The following NEK7 variants were observed in gnomAD, a reference collection of about 807,000 sequenced individuals.
The protein encoded by NEK7 is NIMA related kinase 7.
In NEK7, 18 loss-of-function variants were observed where a neutral mutation model predicts 44.6. That is an observed-to-expected ratio of 0.40 (90% CI 0.28 to 0.60). The LOEUF is 0.60. Ranked by LOEUF, NEK7 falls within the 20% of genes least tolerant of loss-of-function variation. The probability of loss-of-function intolerance (pLI) is 0.38; values close to 1 mark genes in which losing one functional copy is unlikely to be tolerated. For synonymous variants in NEK7, 130 were observed against 121.1 expected (o/e 1.07, Z -0.48); for missense variants, 256 against 366.5 (o/e 0.70, Z 2.46).
chr1:198,296,489 A>G (rs536918224), intron 8 of NEK7, among the ~76,000 whole-genome samples: 1 of 152,264 alleles, frequency 6.6e-6, no homozygotes, highest in Middle Eastern at 3.4e-3. Flanking sequence ...TAAAAATCTC[A>G]TTTGGAAGCC....
chr1:198,192,145 G>C (rs1381082616), intron 1 of NEK7, among the ~76,000 whole-genome samples: 1 of 151,120 alleles, frequency 6.6e-6, no homozygotes, highest in Non-Finnish European at 1.5e-5. Flanking sequence ...GAAGTTGTTT[G>C]TTTTATCTTA....
chr1:198,224,881 A>C (rs1357825997), intron 1 of NEK7, among the ~76,000 whole-genome samples: 1 of 152,182 alleles, frequency 6.6e-6, no homozygotes, highest in Non-Finnish European at 1.5e-5. Context: ...AAATAAAAAA[A>C]AGATTGGAGG....
chr1:198,291,067 A>G (rs116099723), intron 7 of NEK7, among the ~76,000 whole-genome samples: 144 of 152,230 alleles, frequency 9.5e-4, no homozygotes, highest in African/African-American at 3.4e-3. Context: ...AAATGCTAGC[A>G]TTTGTTCTTC....
At chr1:198,242,038 G>A (rs1261819420) in intron 2 of NEK7, among the ~76,000 whole-genome samples, 4 of 152,032 alleles carry the variant, frequency 2.6e-5, no homozygotes, top group African/African-American at 7.2e-5. Context: ...CTATTCATCT[G>A]TGTGCTTCAG....
intron 2 of NEK7, among the ~76,000 whole-genome samples, chr1:198,241,020 A>G (rs1414427136): frequency 1.3e-5 from 2 of 152,174 alleles, no homozygotes; most frequent in Non-Finnish European, 2.9e-5. Flanking sequence ...TACAATTCAC[A>G]TGCTATCTCT....
intron 1 of NEK7, among the ~76,000 whole-genome samples, chr1:198,202,977 A>C (rs561966518): frequency 6.6e-6 from 1 of 152,156 alleles, no homozygotes; most frequent in African/African-American, 2.4e-5. Context: ...CCTTTCTACC[A>C]CTTCTTTTTT....
intron 1 of NEK7, among the ~76,000 whole-genome samples, chr1:198,175,962 C>G (rs1328330381): frequency 6.6e-6 from 1 of 152,198 alleles, no homozygotes; most frequent in African/African-American, 2.4e-5. Context: ...AGACCTTGCT[C>G]TGTCTTCTCA....
intron 1 of NEK7, among the ~76,000 whole-genome samples, chr1:198,162,246 G>A (rs888828947): frequency 2.0e-5 from 3 of 152,178 alleles, no homozygotes; most frequent in South Asian, 4.1e-4. Context: ...GGTTTTGTGT[G>A]TGCTGGACTT....
intron 1 of NEK7, among the ~76,000 whole-genome samples, chr1:198,157,705 G>A (rs1043182271): frequency 6.6e-6 from 1 of 152,238 alleles, no homozygotes; most frequent in African/African-American, 2.4e-5. Context: ...GGATTCGGCA[G>A]CAGCCCGACT....
chr1:198,236,545 A>T (rs1666549119), intron 2 of NEK7, among the ~76,000 whole-genome samples: 2 of 152,062 alleles, frequency 1.3e-5, no homozygotes, highest in South Asian at 4.1e-4. Context: ...CTGTCCTCAA[A>T]CCCATAACAT....
rs1325364848 is a variant in NEK7, at chr1:198,322,318, T to C, written c.*2796T>C. The C allele has an allele frequency of 6.6e-6, 1 of 152,188 alleles. No individual in the cohort carries two copies. The highest frequency in any genetic ancestry group is 1.9e-4 in the East Asian group (1 of 5,200). 9.4% of individuals were successfully genotyped at this position (152,188 alleles called of 1,614,324 possible). On this transcript the variant is annotated 3_prime_UTR_variant, in exon 10 of 10. Coordinates refer to ENST00000367385, the MANE Select transcript of NEK7 (RefSeq NM_133494.3). ...TTTGTGAAATACTTTTATTTTGTTA[T>C]GCTTTAAATATACATACAAAAAGAT...
chr1:198,192,021 GC>G (rs1665093312), intron 1 of NEK7, among the ~76,000 whole-genome samples: 2 of 151,926 alleles, frequency 1.3e-5, no homozygotes, highest in African/African-American at 2.4e-5. Flanking sequence ...TTTAGGAAAG[GC>G]CCTTTACCTT....
chr1:198,311,864 A>G (rs1655195391), intron 9 of NEK7, among the ~76,000 whole-genome samples: 1 of 152,180 alleles, frequency 6.6e-6, no homozygotes, highest in South Asian at 2.1e-4. Context: ...GGATTTTTGC[A>G]TCAATGTTCA....
At chr1:198,186,530 A>C (rs73075192) in intron 1 of NEK7, among the ~76,000 whole-genome samples, 4,196 of 152,274 alleles carry the variant, frequency 0.028, 197 homozygotes, top group African/African-American at 0.095. Flanking sequence ...AAGTAGCTCA[A>C]AGATACAGGA....
At chr1:198,250,294 A>G (rs1652893593) in intron 2 of NEK7, among the ~76,000 whole-genome samples, 1 of 149,850 alleles carries the variant, frequency 6.7e-6, no homozygotes, top group African/African-American at 2.5e-5. Flanking sequence ...CTTGTAGTAT[A>G]GTTTGAAGTC....
chr1:198,226,515 A>G lies in NEK7; in HGVS notation c.-28-6038A>G, dbSNP rs189603666. Among the ~76,000 whole-genome samples the G allele has an allele frequency of 1.7e-3, 261 of 152,036 alleles. 2 individuals carry two copies. Among genetic ancestry groups the G allele is most frequent in the African/African-American group, 6.1e-3 (252 of 41,458 alleles). ...AGCCGAGATCACACCGCTGCATTCC[A>G]GCCTGGGCGACACAGCGATATTGCG... On this transcript the variant is annotated intron_variant, in intron 1 of 9. Transcript: ENST00000367385.
intron 1 of NEK7, among the ~76,000 whole-genome samples, chr1:198,193,639 G>A (rs930283031): frequency 1.6e-4 from 24 of 152,192 alleles, no homozygotes; most frequent in Non-Finnish European, 3.5e-4. Context: ...TCCCTGGGAT[G>A]CAAGATTGGT....
At chr1:198,286,579 C>T (rs1331400165) in intron 7 of NEK7, among the ~76,000 whole-genome samples, 1 of 152,150 alleles carries the variant, frequency 6.6e-6, no homozygotes, top group African/African-American at 2.4e-5. Context: ...TTTTCAATTG[C>T]TGCCCTAACA....
At chr1:198,201,309 G>C (rs1412573180) in intron 1 of NEK7, among the ~76,000 whole-genome samples, 5 of 152,144 alleles carry the variant, frequency 3.3e-5, no homozygotes, top group African/African-American at 1.2e-4. Context: ...ATTCTATGCT[G>C]TCTCTTAGAA....
Sources: allele counts gnomAD v4.1 joint callset (sites outside exome capture counted in the v4.1 genomes callset), GRCh38; gene constraint gnomAD v4.1.1; transcripts MANE v1.5; gene names NCBI Gene and HGNC (gene_info 2026-07-23, HGNC 2026-07-21).